CCNH: variants seen among roughly 807,000 people sequenced by gnomAD.
CCNH encodes the protein cyclin-H.
A neutral mutation model predicts 41.9 loss-of-function variants in CCNH; 31 were observed. That is an observed-to-expected ratio of 0.74 (90% CI 0.56 to 1.00). CCNH has a LOEUF of 1.00. CCNH is among the 50% of genes least tolerant of loss of function. CCNH has a pLI of 0.00. For missense variants in CCNH, 362 were observed against 388.4 expected (o/e 0.93, Z 0.57); for synonymous variants, 138 against 136.1 (o/e 1.01, Z -0.10).
intron 9 of CCNH, among the ~76,000 whole-genome samples, chr5:87,337,306 G>C (rs1198661117): frequency 6.6e-6 from 1 of 151,894 alleles, no homozygotes; most frequent in East Asian, 1.9e-4. Context: ...ATGCATCTCT[G>C]TACTCTTAAA....
chr5:87,394,944 C>G (rs1448706494), intron 8 of CCNH, 100 bp downstream of exon 8: 1 of 1,582,218 alleles, frequency 6.3e-7, no homozygotes, highest in East Asian at 2.2e-5. Context: ...ACCCACAACT[C>G]TATAATGCCT....
upstream of CCNH, chr5:87,378,466 T>C: frequency 1.2e-6 from 2 of 1,612,650 alleles, no homozygotes; most frequent in South Asian, 1.1e-5. Context: ...TGAAAGCCAC[T>C]GCTACACAGT....
intron 9 of CCNH, among the ~76,000 whole-genome samples, chr5:87,346,360 C>T (rs1255234106): frequency 6.6e-6 from 1 of 151,814 alleles, no homozygotes; most frequent in African/African-American, 2.4e-5. Context: ...CCTCCTTCCC[C>T]TTACCCCACA....
In CCNH at chr5:87,324,324, A is replaced by T. The variant is rs1757050336; in HGVS notation, c.*91-5427T>A. 2.0e-5 allele frequency among the ~76,000 whole-genome samples: 3 copies of T among 152,170 alleles called. No homozygotes were observed. The South Asian group carries it at 6.2e-4, about 31-fold the overall frequency. On this transcript the variant is annotated intron_variant and NMD_transcript_variant, in intron 9 of 9. Coordinates refer to the CCNH transcript ENST00000645953. ...CTCTCTTTCAACATTTGATCAGTGC[A>T]TAACATTTCTTGGAGAGGTGTGGTT...
downstream of CCNH, among the ~76,000 whole-genome samples, chr5:87,313,984 A>G (rs1402086671): frequency 1.4e-4 from 22 of 151,914 alleles, no homozygotes; most frequent in Admixed American, 1.4e-3. Context: ...CCTGACCAAC[A>G]TGGAGAAACC....
At chr5:87,330,997 C>A in intron 9 of CCNH, 2 of 1,410,566 alleles carry the variant, frequency 1.4e-6, no homozygotes, top group Non-Finnish European at 1.9e-6. Context: ...GTAAATTAAT[C>A]ATTTCCATTT....
chr5:87,402,382 TCTCAGAGCCA>T (rs1255554175), intron 5 of CCNH, among the ~76,000 whole-genome samples: 1 of 152,190 alleles, frequency 6.6e-6, no homozygotes, highest in East Asian at 1.9e-4. Flanking sequence ...TACCTGTTTT[TCTCAGAGCCA>T]CTGACAGTAT....
chr5:87,349,783 T>G (rs1759126281), intron 9 of CCNH, among the ~76,000 whole-genome samples: 1 of 151,926 alleles, frequency 6.6e-6, no homozygotes, highest in African/African-American at 2.4e-5. Flanking sequence ...AACTGAGTTC[T>G]TCTCAAGTTG....
At chr5:87,393,504 A>C (rs539392440), downstream of CCNH, 11 of 152,358 alleles carry the variant, frequency 7.2e-5, no homozygotes, top group African/African-American at 2.6e-4. Context: ...AGTGAAATAC[A>C]GCTGGCCATG....
At chr5:87,382,305 A>C (rs908994745) in intron 9 of CCNH, among the ~76,000 whole-genome samples, 5 of 152,210 alleles carry the variant, frequency 3.3e-5, no homozygotes, top group Non-Finnish European at 5.9e-5. Flanking sequence ...TTACTTTCTA[A>C]GAGTCCAAAA....
chr5:87,323,600 G>A (rs1756989642), intron 9 of CCNH, among the ~76,000 whole-genome samples: 1 of 152,152 alleles, frequency 6.6e-6, no homozygotes, highest in Admixed American at 6.5e-5. Context: ...AAGGTAACAT[G>A]TCTGCATATA....
chr5:87,389,494 T>C (rs1243377848), downstream of CCNH: 1 of 1,614,122 alleles, frequency 6.2e-7, no homozygotes, highest in Admixed American at 1.7e-5. Context: ...CAGATGAACT[T>C]CGAACGCTCA....
chr5:87,408,243 C>T (rs1763951248), intron 3 of CCNH, 57 bp from the exon 4 acceptor site: 2 of 802,332 alleles, frequency 2.5e-6, no homozygotes, highest in African/African-American at 1.7e-5. Flanking sequence ...GAAGAACATG[C>T]ATATACTTTG....
chr5:87,322,448 C>T (rs193106203), intron 9 of CCNH, among the ~76,000 whole-genome samples: 19 of 152,278 alleles, frequency 1.2e-4, no homozygotes, highest in Admixed American at 3.9e-4. Context: ...CTTCCCTGAC[C>T]CCTTGTCTGT....
chr5:87,404,962 C>CT lies in CCNH; in HGVS notation c.570dup (p.Ala191SerfsTer2). The CT allele has an allele frequency of 6.2e-7, 1 of 1,613,312 alleles. No individual in the cohort carries two copies. Among genetic ancestry groups the CT allele is most frequent in the Non-Finnish European group, 8.5e-7 (1 of 1,179,510 alleles). On this transcript the variant is annotated frameshift_variant, in exon 5 of 9. Coordinates refer to ENST00000256897, the MANE Select transcript of CCNH (RefSeq NM_001239.4). LOFTEE classifies it high-confidence loss of function. ...GCAATTCTATTAAGAAAGTCATCAG[C>CT]TGTTTTCCTCAAAATCTCTGGATTC... is the stretch of plus-strand genomic sequence containing the variant.
intron 6 of CCNH, 89 bp from the exon 7 acceptor site, chr5:87,399,594 G>T: frequency 1.3e-6 from 1 of 791,182 alleles, no homozygotes; most frequent in Non-Finnish European, 2.2e-6. Flanking sequence ...TTTTGTCATA[G>T]GAAACAACAC....
At chr5:87,381,524 G>A (rs1761716117), upstream of CCNH, among the ~76,000 whole-genome samples, 1 of 152,158 alleles carries the variant, frequency 6.6e-6, no homozygotes, top group Non-Finnish European at 1.5e-5. Context: ...TACACAGTTT[G>A]TTTTGAAAAT....
chr5:87,410,111 C>A (rs558965180), intron 2 of CCNH, among the ~76,000 whole-genome samples: 4 of 151,960 alleles, frequency 2.6e-5, no homozygotes, highest in African/African-American at 9.6e-5. Flanking sequence ...TGGCTGGAAC[C>A]AATGAAATAA....
chr5:87,410,556 T>C (rs1764154464), intron 2 of CCNH, among the ~76,000 whole-genome samples: 1 of 152,198 alleles, frequency 6.6e-6, no homozygotes, highest in Non-Finnish European at 1.5e-5. Context: ...AACAGACTTT[T>C]ACTTAAGATA....
Sources: allele counts gnomAD v4.1 joint callset (sites outside exome capture counted in the v4.1 genomes callset), GRCh38; gene constraint gnomAD v4.1.1; transcripts MANE v1.5; gene names NCBI Gene and HGNC (gene_info 2026-07-23, HGNC 2026-07-21).